SLIT3: variants seen among roughly 807,000 people sequenced by gnomAD.
SLIT3 encodes slit homolog 3 protein.
In SLIT3, 68 loss-of-function variants were observed where a neutral mutation model predicts 184.0. The observed-to-expected ratio is 0.37, with a 90% confidence interval of 0.30 to 0.45. SLIT3 has a LOEUF of 0.45. Ranked by LOEUF, SLIT3 falls within the 20% of genes least tolerant of loss-of-function variation. SLIT3 has a pLI of 1.00. For missense variants in SLIT3, 1,707 were observed against 2,026.0 expected (o/e 0.84, Z 3.02); for synonymous variants, 831 against 828.6 (o/e 1.00, Z -0.05).
intron 23 of SLIT3, among the ~76,000 whole-genome samples, chr5:168,713,827 G>C (rs1762635948): frequency 1.3e-5 from 2 of 152,330 alleles, no homozygotes; most frequent in South Asian, 4.1e-4. Flanking sequence ...GATTCAGTGG[G>C]TCTGAGGTGA....
At chr5:169,125,591 G>A (rs761783800) in intron 4 of SLIT3, among the ~76,000 whole-genome samples, 10 of 152,124 alleles carry the variant, frequency 6.6e-5, no homozygotes, top group Non-Finnish European at 1.5e-4. Flanking sequence ...GAGGTCCCTG[G>A]CTTCCACACT....
chr5:169,175,583 C>T (rs953715145), intron 4 of SLIT3, among the ~76,000 whole-genome samples: 1 of 152,182 alleles, frequency 6.6e-6, no homozygotes, highest in African/African-American at 2.4e-5. Flanking sequence ...AAGCGTTCAA[C>T]AAATAATAGT....
chr5:169,081,701 C>G (rs565730875), intron 4 of SLIT3, among the ~76,000 whole-genome samples: 38 of 152,236 alleles, frequency 2.5e-4, no homozygotes, highest in Middle Eastern at 3.4e-3. Flanking sequence ...GCATGAGTCC[C>G]GGCAGCAATT....
intron 4 of SLIT3, among the ~76,000 whole-genome samples, chr5:169,120,805 T>A (rs899670690): frequency 6.6e-6 from 1 of 152,178 alleles, no homozygotes; most frequent in South Asian, 2.1e-4. Context: ...GTTTACTTGA[T>A]GGGCCTCTGC....
At chr5:169,271,344 C>T (rs2113631807) in intron 1 of SLIT3, among the ~76,000 whole-genome samples, 1 of 152,308 alleles carries the variant, frequency 6.6e-6, no homozygotes, top group South Asian at 2.1e-4. Context: ...TCTCAGTCAT[C>T]CTGAGATGAG....
intron 4 of SLIT3, among the ~76,000 whole-genome samples, chr5:168,930,553 G>T (rs2113160187): frequency 6.6e-6 from 1 of 152,194 alleles, no homozygotes; most frequent in African/African-American, 2.4e-5. Context: ...TCCTACTGTA[G>T]GTGGGGAGGC....
At chr5:169,230,233 A>G (rs1311724792) in intron 3 of SLIT3, among the ~76,000 whole-genome samples, 2 of 152,234 alleles carry the variant, frequency 1.3e-5, no homozygotes, top group African/African-American at 2.4e-5. Flanking sequence ...TGTTACTCGC[A>G]GCTGCTAAGA....
At chr5:168,674,071 ACT>A (rs1264829931) in intron 32 of SLIT3, among the ~76,000 whole-genome samples, 1 of 152,280 alleles carries the variant, frequency 6.6e-6, no homozygotes, top group African/African-American at 2.4e-5. Flanking sequence ...TATAAAACAA[ACT>A]CTCTCACAGT....
intron 12 of SLIT3, among the ~76,000 whole-genome samples, chr5:168,783,343 G>A (rs554729919): frequency 3.9e-5 from 6 of 152,200 alleles, no homozygotes; most frequent in African/African-American, 7.2e-5. Context: ...GGAACACACC[G>A]AGAAAAGCTC....
chr5:168,996,208 C>A (rs1481002195), intron 4 of SLIT3, among the ~76,000 whole-genome samples: 3 of 152,122 alleles, frequency 2.0e-5, no homozygotes, highest in African/African-American at 7.2e-5. Flanking sequence ...AGAGGGAGAA[C>A]AAACAGAGAG....
intron 18 of SLIT3, among the ~76,000 whole-genome samples, chr5:168,751,960 C>T (rs938964973): frequency 7.9e-5 from 12 of 152,130 alleles, no homozygotes; most frequent in African/African-American, 2.9e-4. Context: ...AGGAAGGTCT[C>T]AATCTCTTGA....
At chr5:168,794,790 C>T (rs970135699) in intron 10 of SLIT3, among the ~76,000 whole-genome samples, 1 of 152,184 alleles carries the variant, frequency 6.6e-6, no homozygotes, top group Admixed American at 6.5e-5. Context: ...AAACCATCGA[C>T]ACATGCTCCC....
chr5:169,075,483 G>A lies in SLIT3; in HGVS notation c.413+117996C>T, dbSNP rs537152245. ...CTGTATTCGAAAATATCGTGAAGTT[G>A]AAGGCATTTTGTTAAGAAACACTTG... On this transcript the variant is annotated intron_variant, in intron 4 of 35. Transcript: ENST00000519560. Among the ~76,000 whole-genome samples the A allele has an allele frequency of 2.0e-5, 3 of 152,274 alleles. No homozygotes were observed. The East Asian group carries it at 5.8e-4, about 29-fold the overall frequency.
At chr5:169,257,493 A>G (rs1766003735) in intron 1 of SLIT3, among the ~76,000 whole-genome samples, 1 of 147,248 alleles carries the variant, frequency 6.8e-6, no homozygotes, top group Admixed American at 6.8e-5. Context: ...GTCTACGCTG[A>G]CAAATAAAAT....
chr5:168,894,395 C>T (rs1760582692), intron 4 of SLIT3, among the ~76,000 whole-genome samples: 2 of 152,192 alleles, frequency 1.3e-5, no homozygotes, highest in South Asian at 4.1e-4. Context: ...TGATTTTATG[C>T]CATTGCTTGG....
intron 25 of SLIT3, among the ~76,000 whole-genome samples, chr5:168,709,588 A>G (rs1580988261): frequency 6.6e-6 from 1 of 152,250 alleles, no homozygotes; most frequent in East Asian, 1.9e-4. Context: ...CAGATAGCTT[A>G]GAAGCAGGAG....
intron 4 of SLIT3, among the ~76,000 whole-genome samples, chr5:169,049,545 T>C (rs1296133734): frequency 3.3e-5 from 5 of 152,182 alleles, no homozygotes; most frequent in Admixed American, 6.5e-5. Flanking sequence ...GAAAGAATTA[T>C]CTGAAATGTA....
intron 29 of SLIT3, among the ~76,000 whole-genome samples, chr5:168,688,754 A>G (rs1761819990): frequency 6.6e-6 from 1 of 152,236 alleles, no homozygotes; most frequent in Admixed American, 6.5e-5. Flanking sequence ...AATGCCTTTG[A>G]GGGGCATGTG....
chr5:168,988,942 G>A lies in SLIT3; in HGVS notation c.414-105606C>T, dbSNP rs550372433. Among the ~76,000 whole-genome samples the A allele has an allele frequency of 2.6e-5, 4 of 152,336 alleles. No individual in the cohort carries two copies. In the East Asian group the frequency reaches 7.7e-4, roughly 29 times the overall value. ...TCACTGTTCACTGCAGAAAGTGAAA[G>A]TTTCTGGATGTACTTTCATTAACAA... On this transcript the variant is annotated intron_variant, in intron 4 of 35. Transcript: ENST00000519560.
Sources: gnomAD v4.1 joint callset for allele counts (sites outside exome capture counted in the v4.1 genomes callset) on GRCh38, gnomAD v4.1.1 for gene constraint, MANE v1.5 for transcripts, NCBI Gene and HGNC (gene_info 2026-07-23, HGNC 2026-07-21) for gene names.